The following RAB3B variants were observed in gnomAD, a reference collection of about 807,000 sequenced individuals.
The protein encoded by RAB3B is ras-related protein Rab-3B.
A neutral mutation model predicts 20.5 loss-of-function variants in RAB3B; 11 were observed. The ratio of observed to expected loss-of-function variants is 0.54; its 90% confidence interval spans 0.34 to 0.89. The LOEUF (loss-of-function observed/expected upper bound fraction) is 0.89, where lower values mean the gene tolerates loss of function less well. Among genes scored for constraint, RAB3B ranks in the 40% least tolerant of loss-of-function variants. The pLI, the probability that RAB3B is intolerant of heterozygous loss-of-function variation, is 0.02. For synonymous variants in RAB3B, 99 were observed against 106.3 expected (o/e 0.93, Z 0.42); for missense variants, 225 against 280.9 (o/e 0.80, Z 1.42).
chr1:51,967,515 C>CTTTTT (rs67927521), intron 2 of RAB3B, among the ~76,000 whole-genome samples: 2 of 16,434 alleles, frequency 1.2e-4, no homozygotes, highest in Non-Finnish European at 2.6e-4. Context: ...CTTTTCTTTT[C>CTTTTT]TTTTTCTTTT....
At chr1:51,976,023 G>A (rs1433552945) in intron 2 of RAB3B, among the ~76,000 whole-genome samples, 1 of 151,646 alleles carries the variant, frequency 6.6e-6, no homozygotes, top group African/African-American at 2.4e-5. Context: ...CAGCTCCAGT[G>A]TATGTTTCAG....
chr1:51,968,933 T>A (rs563575929), intron 2 of RAB3B, among the ~76,000 whole-genome samples: 1 of 152,220 alleles, frequency 6.6e-6, no homozygotes, highest in African/African-American at 2.4e-5. Flanking sequence ...GTTTGTCCCA[T>A]TGTTTGTCAT....
intron 2 of RAB3B, chr1:51,973,313 C>T (rs1279208435): frequency 6.6e-6 from 1 of 152,046 alleles, no homozygotes; most frequent in Non-Finnish European, 1.5e-5. Flanking sequence ...CATGAATAGT[C>T]CAGAAAACTT....
At position 51,920,074 on chromosome 1, in the gene RAB3B, ACT is replaced by A; in HGVS notation, c.511_512del (p.Ser171CysfsTer6). On this transcript the variant is annotated frameshift_variant, in exon 5 of 5. Coordinates refer to ENST00000371655, the MANE Select transcript of RAB3B (RefSeq NM_002867.4). LOFTEE classifies it high-confidence loss of function. ...FFEASAKENI[S>X]VRQAFERLVD... is the part of the protein sequence containing the mutation. ...CCAGGCGCTCAAAGGCCTGCCTTAC[ACT>A]GATGTTCTCCTTTGCACTGGCTTCA... 1 of 1,614,082 alleles carries A rather than the reference ACT, an allele frequency of 6.2e-7. No individual in the cohort carries two copies.
intron 2 of RAB3B, among the ~76,000 whole-genome samples, chr1:51,970,974 G>GCA (rs1684922388): frequency 7.3e-6 from 1 of 137,872 alleles, no homozygotes. Context: ...TCGTGCCACT[G>GCA]CACTCCAGCC....
chr1:51,962,210 G>A lies in RAB3B; in HGVS notation c.228+14680C>T, dbSNP rs1337019206. The stretch of plus-strand genomic sequence containing the variant: ...ATAATAACAGCACCTAGTTCACAGG[G>A]TTAGTGTCAGGATGAAATCAGTTCA... On this transcript the variant is annotated intron_variant, in intron 2 of 4. Transcript: ENST00000371655. Among the ~76,000 whole-genome samples, 6 of 152,300 alleles carry A rather than the reference G, an allele frequency of 3.9e-5. No individual in the cohort carries two copies. In the East Asian group the frequency reaches 9.7e-4, roughly 25 times the overall value.
intron 2 of RAB3B, among the ~76,000 whole-genome samples, chr1:51,965,811 T>G (rs958930698): frequency 6.6e-6 from 1 of 152,212 alleles, no homozygotes; most frequent in Non-Finnish European, 1.5e-5. Flanking sequence ...TTAATCGTAT[T>G]GTACCAATGT....
At position 51,908,115 on chromosome 1, in the gene RAB3B, G is replaced by GTA. The variant is rs1183307329; in HGVS notation, c.*11810_*11811dup. 1 of 152,024 alleles carries GTA rather than the reference G, an allele frequency of 6.6e-6. No homozygotes were observed. The highest frequency in any genetic ancestry group is 1.5e-5 in the Non-Finnish European group (1 of 68,022). 9.4% of individuals were successfully genotyped at this position (152,024 alleles called of 1,614,324 possible). On this transcript the variant is annotated 3_prime_UTR_variant, in exon 5 of 5. Coordinates refer to ENST00000371655, the MANE Select transcript of RAB3B (RefSeq NM_002867.4). ...ATGAGATCTTCTCTTTTGCTACTGT[G>GTA]TATATATATTCCTTTATATTTATAC...
chr1:51,980,645 T>C (rs12043193), intron 1 of RAB3B: 13,501 of 758,684 alleles, frequency 0.018, 548 homozygotes, highest in East Asian at 0.11. Flanking sequence ...GAAGTGAGCA[T>C]CTTCGATGCC....
intron 1 of RAB3B, among the ~76,000 whole-genome samples, chr1:51,989,477 G>GCTAGTGCGTGGACACCA (rs1685194914): frequency 6.6e-6 from 1 of 151,698 alleles, no homozygotes; most frequent in African/African-American, 2.4e-5. Context: ...CCGAGACACC[G>GCTAGTGCGTGGACACCA]CTAGTGCGTG....
intron 2 of RAB3B, among the ~76,000 whole-genome samples, chr1:51,941,319 T>C (rs566788726): frequency 6.6e-6 from 1 of 152,156 alleles, no homozygotes; most frequent in East Asian, 1.9e-4. Context: ...TTTTTTAAGA[T>C]CAAAGATTTT....
intron 1 of RAB3B, among the ~76,000 whole-genome samples, chr1:51,980,030 A>C (rs774104522): frequency 5.3e-5 from 8 of 152,018 alleles, no homozygotes; most frequent in Non-Finnish European, 1.2e-4. Context: ...CGACAGAGCG[A>C]GACTCCACCC....
At chr1:51,977,518 GA>G (rs1409302535) in intron 1 of RAB3B, among the ~76,000 whole-genome samples, 1 of 152,178 alleles carries the variant, frequency 6.6e-6, no homozygotes, top group Non-Finnish European at 1.5e-5. Context: ...GGAAGTCCAT[GA>G]GAAGCATCTC....
At chr1:51,989,044 C>T (rs1571984640) in intron 1 of RAB3B, among the ~76,000 whole-genome samples, 1 of 150,474 alleles carries the variant, frequency 6.6e-6, no homozygotes, top group African/African-American at 2.4e-5. Flanking sequence ...CCTTTCACGG[C>T]TTCCATTGTC....
At chr1:51,938,783 C>T (rs1684449456) in intron 2 of RAB3B, among the ~76,000 whole-genome samples, 1 of 151,686 alleles carries the variant, frequency 6.6e-6, no homozygotes, top group Admixed American at 6.6e-5. Flanking sequence ...TCAAGTGATC[C>T]TCCCACCTCA....
intron 2 of RAB3B, among the ~76,000 whole-genome samples, chr1:51,949,467 C>CGTGGCA (rs1489190112): frequency 2.0e-5 from 3 of 152,218 alleles, no homozygotes; most frequent in Non-Finnish European, 4.4e-5. Context: ...GCACAAATCC[C>CGTGGCA]GTGGCCACTG....
intron 2 of RAB3B, among the ~76,000 whole-genome samples, chr1:51,968,637 A>T (rs762340441): frequency 1.3e-5 from 2 of 152,138 alleles, no homozygotes; most frequent in Non-Finnish European, 2.9e-5. Flanking sequence ...ACTCCCTTAC[A>T]TTTCAGCTAT....
intron 2 of RAB3B, among the ~76,000 whole-genome samples, chr1:51,959,947 G>A (rs541268827): frequency 1.6e-4 from 25 of 152,234 alleles, no homozygotes; most frequent in African/African-American, 5.5e-4. Context: ...TAGAGTACAC[G>A]TGGGTGGTGC....
intron 1 of RAB3B, among the ~76,000 whole-genome samples, chr1:51,990,071 C>T (rs1428625722): frequency 7.2e-6 from 1 of 138,722 alleles, no homozygotes. Context: ...CCAGCCAGTC[C>T]CCTCCCCTCA....
Sources: gnomAD v4.1 joint callset for allele counts (sites outside exome capture counted in the v4.1 genomes callset) on GRCh38, gnomAD v4.1.1 for gene constraint, MANE v1.5 for transcripts, NCBI Gene and HGNC (gene_info 2026-07-23, HGNC 2026-07-21) for gene names.